AGMO: variants seen among roughly 807,000 people sequenced by gnomAD.
AGMO encodes glyceryl-ether monooxygenase.
AGMO carries 75 observed loss-of-function variants against 60.2 expected under a neutral mutation model. That is an observed-to-expected ratio of 1.25 (90% CI 1.03 to 1.51). AGMO has a LOEUF of 1.51. AGMO is among the 40% of genes most tolerant of loss of function. The probability of loss-of-function intolerance (pLI) is 0.00; values close to 1 mark genes in which losing one functional copy is unlikely to be tolerated. For synonymous variants in AGMO, 261 were observed against 177.1 expected (o/e 1.47, Z -3.76); for missense variants, 763 against 525.5 (o/e 1.45, Z -4.42).
At chr7:15,509,007 T>C (rs558977627) in intron 3 of AGMO, among the ~76,000 whole-genome samples, 1 of 152,346 alleles carries the variant, frequency 6.6e-6, no homozygotes, top group Non-Finnish European at 1.5e-5. Flanking sequence ...TTGGAAACTA[T>C]CCCTTACAAT....
intron 12 of AGMO, among the ~76,000 whole-genome samples, chr7:15,202,995 G>C (rs1781344802): frequency 6.6e-6 from 1 of 152,126 alleles, no homozygotes; most frequent in Non-Finnish European, 1.5e-5. Context: ...ATTTACTTTA[G>C]ATCCAGAATA....
In AGMO at chr7:15,536,371, A is replaced by G. The variant is rs145224931; in HGVS notation, c.409+8401T>C. On this transcript the variant is annotated intron_variant, in intron 3 of 12. Transcript: ENST00000342526. ...AATGATACTTGAAATTTAATTTTCT[A>G]TATTACTATTAGTACTTTTACCAGC... Among the ~76,000 whole-genome samples the G allele has an allele frequency of 5.9e-3, 898 of 152,046 alleles. 10 individuals are homozygous for G. The highest frequency in any genetic ancestry group is 0.01 in the Non-Finnish European group (693 of 67,852).
At chr7:15,361,768 A>C (rs952838569) in intron 12 of AGMO, among the ~76,000 whole-genome samples, 3 of 152,064 alleles carry the variant, frequency 2.0e-5, no homozygotes, top group Admixed American at 6.6e-5. Flanking sequence ...TGCCAGAAAG[A>C]GGATAACTAT....
the AGMO span, among the ~76,000 whole-genome samples, chr7:15,132,969 G>A: frequency 1.3e-5 from 2 of 152,050 alleles, no homozygotes; most frequent in East Asian, 1.9e-4. Flanking sequence ...AGGGGAGCAC[G>A]GTTATAATGG....
chr7:15,341,039 A>T (rs1240009318), intron 12 of AGMO, among the ~76,000 whole-genome samples: 4 of 152,158 alleles, frequency 2.6e-5, no homozygotes, highest in Admixed American at 2.0e-4. Context: ...ATCCACCTCT[A>T]GCATCAGAGT....
chr7:15,355,105 G>A (rs1177700485), intron 12 of AGMO, among the ~76,000 whole-genome samples: 3 of 151,938 alleles, frequency 2.0e-5, no homozygotes, highest in South Asian at 2.1e-4. Context: ...TATGATGTAG[G>A]GTGAATTTGG....
intron 5 of AGMO, among the ~76,000 whole-genome samples, chr7:15,402,637 T>TATAC (rs1466405213): frequency 2.8e-5 from 4 of 143,708 alleles, no homozygotes; most frequent in African/African-American, 8.1e-5. Context: ...ATATTAAATA[T>TATAC]AAATATATAT....
intron 3 of AGMO, among the ~76,000 whole-genome samples, chr7:15,490,951 A>T (rs1393819615): frequency 2.6e-5 from 4 of 152,184 alleles, no homozygotes. Context: ...AGTTTAGCTC[A>T]AGCATGAATA....
At chr7:15,224,472 T>C (rs1452303776) in intron 12 of AGMO, among the ~76,000 whole-genome samples, 1 of 151,932 alleles carries the variant, frequency 6.6e-6, no homozygotes, top group African/African-American at 2.4e-5. Context: ...CTCATCAATG[T>C]GAGGATACAA....
At chr7:15,383,811 G>C (rs74836512) in intron 10 of AGMO, among the ~76,000 whole-genome samples, 1 of 151,748 alleles carries the variant, frequency 6.6e-6, no homozygotes, top group African/African-American at 2.4e-5. Context: ...CCGGATTGTT[G>C]TATTTTTCTT....
downstream of AGMO, among the ~76,000 whole-genome samples, chr7:15,198,207 G>GAC (rs1175086667): frequency 6.1e-3 from 414 of 67,368 alleles, 8 homozygotes; most frequent in African/African-American, 0.03. Flanking sequence ...GAGAGAGAGA[G>GAC]AGAGAGAGAG....
chr7:15,344,697 C>G (rs567942654), intron 12 of AGMO, among the ~76,000 whole-genome samples: 2 of 152,148 alleles, frequency 1.3e-5, no homozygotes, highest in South Asian at 4.2e-4. Context: ...GATCCTGTCT[C>G]AAAGCAAACA....
intron 3 of AGMO, among the ~76,000 whole-genome samples, chr7:15,541,281 C>A (rs1784623912): frequency 6.6e-6 from 1 of 151,982 alleles, no homozygotes; most frequent in African/African-American, 2.4e-5. Flanking sequence ...GGCCACCACA[C>A]CTGCTAATTT....
At chr7:15,265,187 A>C (rs1783396079) in intron 12 of AGMO, among the ~76,000 whole-genome samples, 1 of 152,164 alleles carries the variant, frequency 6.6e-6, no homozygotes, top group South Asian at 2.1e-4. Context: ...CAAGAACAGA[A>C]AACCAAATAC....
chr7:15,515,535 T>A (rs1427860413), intron 3 of AGMO, among the ~76,000 whole-genome samples: 1 of 152,216 alleles, frequency 6.6e-6, no homozygotes, highest in African/African-American at 2.4e-5. Flanking sequence ...TTAAAAAGCA[T>A]GCAAGGCATG....
chr7:15,217,660 A>C (rs1781781656), intron 12 of AGMO, among the ~76,000 whole-genome samples: 1 of 152,060 alleles, frequency 6.6e-6, no homozygotes, highest in Non-Finnish European at 1.5e-5. Context: ...CTGGCAAATA[A>C]AACTAATCAC....
chr7:15,365,397 A>AAAAAAAAAAAAAAAAAAAAATAAAAATAT, intron 12 of AGMO, 117 bp downstream of exon 12: 1 of 486,326 alleles, frequency 2.1e-6, no homozygotes. Flanking sequence ...AAAAAAAAAG[A>AAAAAAAAAAAAAAAAAAAAATAAAAATAT]TCAAGATTTC....
At chr7:15,306,214 T>A (rs181954941) in intron 12 of AGMO, 1 of 239,576 alleles carries the variant, frequency 4.2e-6, no homozygotes, top group African/African-American at 2.3e-5. Flanking sequence ...TGCACTGACA[T>A]TGACTTCATT....
chr7:15,384,780 G>A (rs1386382771), intron 10 of AGMO, among the ~76,000 whole-genome samples: 1 of 144,416 alleles, frequency 6.9e-6, no homozygotes, highest in African/African-American at 2.5e-5. Flanking sequence ...TTTTAATGAA[G>A]AATACAAATA....
Sources: gnomAD v4.1 joint callset for allele counts (sites outside exome capture counted in the v4.1 genomes callset) on GRCh38, gnomAD v4.1.1 for gene constraint, MANE v1.5 for transcripts, NCBI Gene and HGNC (gene_info 2026-07-23, HGNC 2026-07-21) for gene names.